The following AP2A1 variants were observed in gnomAD, a reference collection of about 807,000 sequenced individuals.
AP2A1 encodes adaptor related protein complex 2 subunit alpha 1, also known as AP-2 complex subunit alpha-1.
A neutral mutation model predicts 107.3 loss-of-function variants in AP2A1; 21 were observed. That is an observed-to-expected ratio of 0.20 (90% CI 0.14 to 0.28). The LOEUF is 0.28. Among genes scored for constraint, AP2A1 ranks in the 10% least tolerant of loss-of-function variants. AP2A1 has a pLI of 1.00. For synonymous variants in AP2A1, 602 were observed against 564.8 expected, an observed-to-expected ratio of 1.07 and a Z score of -0.93; for missense variants, 873 against 1,307.7, an observed-to-expected ratio of 0.67 and a Z score of 5.13.
chr19:49,792,672 C>T (rs546583699), intron 5 of AP2A1, among the ~76,000 whole-genome samples: 35 of 152,260 alleles, frequency 2.3e-4, no homozygotes, highest in African/African-American at 7.7e-4. Flanking sequence ...CCATCACCTG[C>T]GCACCAGCGC....
intron 20 of AP2A1, 28 bp from the exon 21 acceptor site, chr19:49,805,844 C>T: frequency 6.2e-7 from 1 of 1,613,424 alleles, no homozygotes; most frequent in Non-Finnish European, 8.5e-7. Context: ...CCGTCCAGGT[C>T]CCTGACTTGA....
intron 4 of AP2A1, among the ~76,000 whole-genome samples, chr19:49,784,669 G>T (rs2084716870): frequency 6.6e-6 from 1 of 152,064 alleles, no homozygotes; most frequent in African/African-American, 2.4e-5. Flanking sequence ...CTTGAGGCCG[G>T]AAGTTCAAGA....
At chr19:49,775,240 A>G (rs556076518) in intron 1 of AP2A1, among the ~76,000 whole-genome samples, 3 of 152,162 alleles carry the variant, frequency 2.0e-5, no homozygotes, top group Non-Finnish European at 4.4e-5. Context: ...TATATTTTTT[A>G]AAAAAGCAAA....
At chr19:49,802,398 T>C (rs1306383842) in intron 15 of AP2A1, 1 of 980,284 alleles carries the variant, frequency 1.0e-6, no homozygotes, top group Non-Finnish European at 1.6e-6. Flanking sequence ...CTCAGCCTGC[T>C]CTTCCTTTTC....
intron 4 of AP2A1, among the ~76,000 whole-genome samples, chr19:49,790,615 G>T (rs967443088): frequency 6.6e-6 from 1 of 152,134 alleles, no homozygotes; most frequent in Non-Finnish European, 1.5e-5. Flanking sequence ...GCCCAGGCTG[G>T]TCTCCAACTC....
At position 49,789,167 on chromosome 19, in the gene AP2A1, G is replaced by T. The variant is rs185578640; in HGVS notation, c.474-2768G>T. Among the ~76,000 whole-genome samples, 531 of 152,248 alleles carry T rather than the reference G, an allele frequency of 3.5e-3. 3 individuals carry two copies. Among genetic ancestry groups the T allele is most frequent in the Non-Finnish European group, 5.9e-3 (400 of 68,008 alleles). ...TCTCCCCTCTGAGGACTTCTCCCCT[G>T]TGTCTTTTGCTGTCTGTTGGGTGCT... is the stretch of plus-strand genomic sequence containing the variant. On this transcript the variant is annotated intron_variant, in intron 4 of 22. Coordinates refer to ENST00000354293, the MANE Select transcript of AP2A1 (RefSeq NM_130787.3).
At chr19:49,799,924 G>A (rs374167558) in intron 10 of AP2A1, 44 bp from the exon 11 acceptor site, 21 of 1,601,354 alleles carry the variant, frequency 1.3e-5, no homozygotes, top group Non-Finnish European at 1.8e-5. Flanking sequence ...GTGAAAGCCC[G>A]ACATGGCCTG....
At chr19:49,796,575 G>A (rs1476527102) in intron 7 of AP2A1, 1 of 152,318 alleles carries the variant, frequency 6.6e-6, no homozygotes, top group East Asian at 1.9e-4. Flanking sequence ...GTGCATGCCT[G>A]TCTGTGTGCA....
chr19:49,770,077 C>T (rs1256943363), intron 1 of AP2A1, among the ~76,000 whole-genome samples: 1 of 152,138 alleles, frequency 6.6e-6, no homozygotes, highest in Non-Finnish European at 1.5e-5. Context: ...CCATGTTGGC[C>T]AGGCTGGTCT....
chr19:49,789,831 G>T (rs1049954031), intron 4 of AP2A1, among the ~76,000 whole-genome samples: 3 of 152,164 alleles, frequency 2.0e-5, no homozygotes, highest in African/African-American at 7.2e-5. Context: ...ACCCCCATCT[G>T]TGCCCCACAG....
chr19:49,800,065 T>A lies in AP2A1; in HGVS notation c.1370T>A (p.Val457Glu). ...CTCATCCGCATTGCGGGCGACTACG[T>A]GAGTGAGGAGGTGTGGTACCGTGTG... The part of the protein sequence containing the change: ...LNLIRIAGDY[V>E]SEEVWYRVLQ... The change falls in exon 11 of 23, where the codon GTG becomes GAG. Residue 457 changes from valine to glutamate, a missense_variant. By Grantham distance (121) the Val-to-Glu change is moderately radical (BLOSUM62 -2). This residue lies in a region of AP2A1 where 213 missense variants were observed against 443.5 expected (regional missense o/e 0.48). Coordinates refer to ENST00000354293, the MANE Select transcript of AP2A1 (RefSeq NM_130787.3). 1 of 1,614,000 alleles carries A rather than the reference T, an allele frequency of 6.2e-7. No homozygotes were observed. The highest frequency in any genetic ancestry group is 1.1e-5 in the South Asian group (1 of 91,090).
At chr19:49,798,684 G>A (rs1394353525) in intron 7 of AP2A1, 118 bp from the exon 8 acceptor site, 9 of 1,365,202 alleles carry the variant, frequency 6.6e-6, no homozygotes, top group Non-Finnish European at 7.9e-6. Flanking sequence ...ATTCTCGAGT[G>A]TCAGAGGCAC....
chr19:49,795,736 C>T lies in AP2A1; in HGVS notation c.812C>T (p.Pro271Leu), dbSNP rs1308119171. 6.4e-7 allele frequency: 1 copy of T among 1,550,918 alleles called. No individual in the cohort carries two copies. ...LLRLLQCYPP[P>L]EDAAVKGRLV... ...CGGCTGCTGCAGTGCTACCCGCCTC[C>T]AGGTAATGAACGCCGTGCACTCCCC... Residue 271 changes from proline to leucine, a missense_variant and splice_region_variant, in exon 7 of 23, where the codon CCA (proline) becomes CTA (leucine). By Grantham distance (98) the Pro-to-Leu change is moderately conservative. Transcript: ENST00000354293.
chr19:49,786,371 T>C (rs1247094752), intron 4 of AP2A1, among the ~76,000 whole-genome samples: 1 of 152,244 alleles, frequency 6.6e-6, no homozygotes, highest in Admixed American at 6.5e-5. Flanking sequence ...TTATTTGACA[T>C]CTGTGTTTGG....
In AP2A1 at chr19:49,806,845, G is replaced by C. The variant is rs1355749285; in HGVS notation, c.*87G>C. ...TTTGGTGGATGGGGGACCTCCACTG[G>C]TGACAGAGAAGACACCAGGGTTTGG... is the stretch of plus-strand genomic sequence containing the variant. On this transcript the variant is annotated 3_prime_UTR_variant, in exon 23 of 23. Coordinates refer to ENST00000354293, the MANE Select transcript of AP2A1 (RefSeq NM_130787.3). 1.3e-6 allele frequency: 2 copies of C among 1,595,074 alleles called. No homozygotes were observed. The highest frequency in any genetic ancestry group is 3.5e-5 in the Admixed American group (2 of 57,446).
intron 1 of AP2A1, among the ~76,000 whole-genome samples, chr19:49,778,451 C>G (rs563502270): frequency 1.3e-5 from 2 of 152,252 alleles, no homozygotes; most frequent in African/African-American, 4.8e-5. Context: ...GGTGTGGTGA[C>G]GCATGCCTGT....
intron 5 of AP2A1, 107 bp from the exon 6 acceptor site, chr19:49,792,884 C>A: frequency 1.0e-6 from 1 of 981,294 alleles, no homozygotes; most frequent in Non-Finnish European, 1.5e-6. Flanking sequence ...CCCTAAACCC[C>A]ATCTTCCCGA....
In AP2A1 at chr19:49,805,483, C is replaced by A; in HGVS notation, c.2375C>A (p.Ala792Glu). ...QLAVQTKRVA[A>E]QVDGGAQVQQ... Reference sequence around the variant, plus strand: ...GCTGTGCAGACCAAGCGCGTGGCGGCGCAGGTGGACGGCGGCGCGCAGGTG... The same window carrying A: ...GCTGTGCAGACCAAGCGCGTGGCGGAGCAGGTGGACGGCGGCGCGCAGGTG... The change falls in exon 19 of 23, where the codon GCG (alanine) becomes GAG (glutamate). Residue 792 changes from alanine to glutamate, a missense_variant. Physicochemically the swap from Ala to Glu is moderately radical, Grantham distance 107. This residue lies in a region of AP2A1 where 416 missense variants were observed against 473.4 expected (regional missense o/e 0.88). Transcript: ENST00000354293. 8 of 1,552,290 alleles carry A rather than the reference C, an allele frequency of 5.2e-6. No homozygotes were observed. Among genetic ancestry groups the A allele is most frequent in the Non-Finnish European group, 7.0e-6 (8 of 1,148,122 alleles).
At chr19:49,782,187 TA>T (rs1190235340) in intron 3 of AP2A1, 98 bp downstream of exon 3, 3 of 450,816 alleles carry the variant, frequency 6.7e-6, no homozygotes, top group Non-Finnish European at 9.4e-6. Flanking sequence ...GGAGGGGGTC[TA>T]GGGGTCTGGA....
Sources: allele counts gnomAD v4.1 joint callset (sites outside exome capture counted in the v4.1 genomes callset), GRCh38; gene constraint gnomAD v4.1.1; regional missense constraint gnomAD v4.1.1; transcripts MANE v1.5; gene names NCBI Gene and HGNC (gene_info 2026-07-23, HGNC 2026-07-21).